SNX25: variants seen among roughly 807,000 people sequenced by gnomAD.
SNX25 encodes the protein sorting nexin 25.
Under a neutral mutation model 113.7 loss-of-function variants are expected in SNX25, and 62 were observed. The observed-to-expected ratio is 0.55, with a 90% CI of 0.44 to 0.67. SNX25 has a LOEUF of 0.67. SNX25 is among the 30% of genes least tolerant of loss of function. The probability of loss-of-function intolerance (pLI) is 0.00; values close to 1 mark genes in which losing one functional copy is unlikely to be tolerated. For synonymous variants in SNX25, 421 were observed against 436.2 expected (o/e 0.97, Z 0.43); for missense variants, 1,014 against 1,161.0 (o/e 0.87, Z 1.84).
At chr4:185,241,523 AG>A (rs1744026299) in intron 1 of SNX25, among the ~76,000 whole-genome samples, 3 of 33,226 alleles carry the variant, frequency 9.0e-5, no homozygotes, top group African/African-American at 2.3e-4. Flanking sequence ...AGGGAGAGGG[AG>A]AGGAGGGAGA....
At chr4:185,224,517 A>G (rs1249054066) in intron 1 of SNX25, among the ~76,000 whole-genome samples, 1 of 126,286 alleles carries the variant, frequency 7.9e-6, no homozygotes, top group Non-Finnish European at 1.7e-5. Flanking sequence ...ATAGATATAT[A>G]AATATATATA....
intron 1 of SNX25, among the ~76,000 whole-genome samples, chr4:185,214,061 C>A (rs1357218490): frequency 6.6e-6 from 1 of 151,548 alleles, no homozygotes; most frequent in Admixed American, 6.6e-5. Context: ...TCTCTCTCTT[C>A]TTTTTCCCCC....
chr4:185,215,008 A>T (rs1305384346), intron 1 of SNX25, among the ~76,000 whole-genome samples: 11 of 152,162 alleles, frequency 7.2e-5, no homozygotes, highest in Non-Finnish European at 1.5e-4. Flanking sequence ...AGGCGGGTGG[A>T]TCACGAGGTC....
At chr4:185,287,844 C>T (rs563157891) in intron 5 of SNX25, among the ~76,000 whole-genome samples, 168 bp from the exon 6 acceptor site, 7 of 152,124 alleles carry the variant, frequency 4.6e-5, no homozygotes, top group Non-Finnish European at 8.8e-5. Context: ...GGCATGGGGC[C>T]CGGCCTATTG....
chr4:185,351,426 A>C lies in SNX25; in HGVS notation c.2302-19A>C, dbSNP rs979985147. On this transcript the variant is annotated intron_variant, in intron 13 of 18. Coordinates refer to ENST00000652585, the MANE Select transcript of SNX25 (RefSeq NM_001378034.2). Reference sequence around the variant, plus strand: ...GATAGTTTCCCACACTGGAGCAGTTAATCCTCTTTCTTCCATAGAATCTGC... The same window carrying C: ...GATAGTTTCCCACACTGGAGCAGTTCATCCTCTTTCTTCCATAGAATCTGC... The C allele has an allele frequency of 5.0e-6, 8 of 1,611,570 alleles. No homozygotes were observed. In the African/African-American group the frequency reaches 1.1e-4, roughly 22 times the overall value.
intron 9 of SNX25, among the ~76,000 whole-genome samples, chr4:185,324,083 C>T (rs1019224497): frequency 1.3e-5 from 2 of 152,208 alleles, no homozygotes; most frequent in African/African-American, 4.8e-5. Context: ...ACCTCCTGCC[C>T]TCTGTCTGTT....
At chr4:185,322,170 C>A (rs546766754) in intron 8 of SNX25, among the ~76,000 whole-genome samples, 1 of 152,194 alleles carries the variant, frequency 6.6e-6, no homozygotes, top group Non-Finnish European at 1.5e-5. Flanking sequence ...CGGTGGCTCA[C>A]GCCTGTAATC....
intron 17 of SNX25, 29 bp downstream of exon 17, chr4:185,362,134 C>T (rs1309703315): frequency 6.3e-7 from 1 of 1,578,374 alleles, no homozygotes; most frequent in Non-Finnish European, 8.6e-7. Flanking sequence ...GCCTGAAAAG[C>T]ATAGAGATCT....
At position 185,210,624 on chromosome 4, in the gene SNX25, G is replaced by T. The variant is rs1737620744; in HGVS notation, c.429+369G>T. 6.6e-6 allele frequency among the ~76,000 whole-genome samples: 1 copy of T among 152,034 alleles called. No homozygotes were observed. The highest frequency in any genetic ancestry group is 1.9e-4 in the East Asian group (1 of 5,178). On this transcript the variant is annotated intron_variant, in intron 1 of 18. Transcript: ENST00000652585. This position sits in a 1 kb window ranked among gnomAD's most constrained non-coding sequence, Gnocchi z 4.4. ...TTCGCTACGTGCAGGCTCTGCGCAC[G>T]GTCCTGGCGATCCGCTTGGTTCTTC... is the stretch of plus-strand genomic sequence containing the variant.
intron 2 of SNX25, among the ~76,000 whole-genome samples, chr4:185,253,612 G>T (rs1235470729): frequency 1.3e-5 from 2 of 151,978 alleles, no homozygotes; most frequent in African/African-American, 4.8e-5. Context: ...GAGACTACAG[G>T]CATGAGCTAC....
At chr4:185,326,131 T>C (rs984127109) in intron 9 of SNX25, among the ~76,000 whole-genome samples, 4 of 152,208 alleles carry the variant, frequency 2.6e-5, no homozygotes, top group Admixed American at 1.3e-4. Context: ...CATGGGAGTA[T>C]ACTAAATTGT....
At chr4:185,252,603 T>C (rs1368086806) in intron 2 of SNX25, among the ~76,000 whole-genome samples, 2 of 152,202 alleles carry the variant, frequency 1.3e-5, no homozygotes, top group Non-Finnish European at 2.9e-5. Flanking sequence ...GTGTGTAATT[T>C]AAAAACATTT....
At chr4:185,371,899 C>T (rs2095417411), downstream of SNX25, among the ~76,000 whole-genome samples, 3 of 151,924 alleles carry the variant, frequency 2.0e-5, no homozygotes, top group Admixed American at 6.6e-5. Context: ...GGAGACCTGG[C>T]GCTGTGGGAA....
intron 8 of SNX25, 57 bp from the exon 9 acceptor site, chr4:185,323,471 A>C: frequency 6.7e-7 from 1 of 1,499,696 alleles, no homozygotes; most frequent in East Asian, 2.3e-5. Flanking sequence ...TTCAGAGAAA[A>C]ATAATTTCTC....
intron 5 of SNX25, among the ~76,000 whole-genome samples, chr4:185,267,528 C>T (rs1748297232): frequency 6.6e-6 from 1 of 151,938 alleles, no homozygotes; most frequent in African/African-American, 2.4e-5. Flanking sequence ...GTCAGGAGTT[C>T]AAGACCAGCG....
At chr4:185,376,243 C>T in the SNX25 span, among the ~76,000 whole-genome samples, 1 of 152,138 alleles carries the variant, frequency 6.6e-6, no homozygotes, top group Admixed American at 6.5e-5. Context: ...AAAATCAAGG[C>T]TTCAATTATT....
chr4:185,319,300 C>T (rs2095101520), intron 7 of SNX25, among the ~76,000 whole-genome samples: 1 of 146,970 alleles, frequency 6.8e-6, no homozygotes, highest in Non-Finnish European at 1.5e-5. Flanking sequence ...TGGGTTCAAG[C>T]AATTCTCCTG....
chr4:185,347,876 T>C (rs937926526), intron 13 of SNX25, among the ~76,000 whole-genome samples: 3 of 151,950 alleles, frequency 2.0e-5, no homozygotes, highest in Non-Finnish European at 2.9e-5. Context: ...TCTTACGTGC[T>C]ACAAATATTG....
At chr4:185,333,489 C>T (rs2095209605) in intron 10 of SNX25, among the ~76,000 whole-genome samples, 1 of 152,144 alleles carries the variant, frequency 6.6e-6, no homozygotes, top group African/African-American at 2.4e-5. Context: ...TTTTTGTGGA[C>T]ATTCAAATGC....
Sources: allele counts gnomAD v4.1 joint callset (sites outside exome capture counted in the v4.1 genomes callset), GRCh38; gene constraint gnomAD v4.1.1; non-coding constraint Gnocchi (gnomAD v3.1); transcripts MANE v1.5; gene names NCBI Gene and HGNC (gene_info 2026-07-23, HGNC 2026-07-21).